TAAR1: variants seen among roughly 807,000 people sequenced by gnomAD.
The protein encoded by TAAR1 is trace amine-associated receptor 1.
Under a neutral mutation model 1.2 loss-of-function variants are expected in TAAR1, and 1 was observed. The observed-to-expected ratio is 0.81, with a 90% CI of 0.29 to 3.86. TAAR1 has a LOEUF of 3.86. Among genes scored for constraint, TAAR1 ranks in the 30% most tolerant of loss-of-function variants. The pLI is 0.18. For missense variants in TAAR1, 445 were observed against 405.6 expected (o/e 1.10, Z -0.83); for synonymous variants, 153 against 132.2 (o/e 1.16, Z -1.08).
intron 1 of TAAR1, among the ~76,000 whole-genome samples, chr6:132,654,615 T>C (rs559429717): frequency 5.1e-4 from 78 of 152,312 alleles, no homozygotes; most frequent in African/African-American, 1.4e-3. Context: ...ATGGGAAATA[T>C]GACTTTACGA....
chr6:132,655,225 A>C (rs1475500059), intron 1 of TAAR1, among the ~76,000 whole-genome samples: 12 of 152,210 alleles, frequency 7.9e-5, no homozygotes, highest in African/African-American at 2.9e-4. Flanking sequence ...ATTTGAAACC[A>C]AAAGAAATGA....
chr6:132,655,396 T>TGA (rs1206288538), intron 1 of TAAR1, among the ~76,000 whole-genome samples: 3 of 149,526 alleles, frequency 2.0e-5, no homozygotes, highest in Admixed American at 1.3e-4. Flanking sequence ...TTTTTTTTTT[T>TGA]TGAAACAAGG....
intron 1 of TAAR1, among the ~76,000 whole-genome samples, chr6:132,657,926 A>T (rs1014945089): frequency 6.6e-6 from 1 of 152,060 alleles, no homozygotes; most frequent in Non-Finnish European, 1.5e-5. Flanking sequence ...ATTGAGTTTC[A>T]TTTTAAAAAA....
chr6:132,649,798 G>C (rs970217693), intron 1 of TAAR1, among the ~76,000 whole-genome samples: 5 of 151,960 alleles, frequency 3.3e-5, no homozygotes, highest in African/African-American at 1.2e-4. Flanking sequence ...TGACACGTGG[G>C]GATTATGAGA....
intron 1 of TAAR1, among the ~76,000 whole-genome samples, chr6:132,653,752 G>C (rs528608127): frequency 6.6e-6 from 1 of 152,238 alleles, no homozygotes; most frequent in Non-Finnish European, 1.5e-5. Context: ...GTTGTTTTAC[G>C]ATCTCTTATT....
intron 1 of TAAR1, among the ~76,000 whole-genome samples, chr6:132,658,827 C>T (rs1334539100): frequency 6.6e-6 from 1 of 152,086 alleles, no homozygotes; most frequent in African/African-American, 2.4e-5. Flanking sequence ...AATGTCCTAG[C>T]TTTCCATAAA....
At position 132,645,208 on chromosome 6, in the gene TAAR1, G is replaced by A. The variant is rs778737689; in HGVS notation, c.796C>T (p.Pro266Ser). 1 of 1,613,378 alleles carries A rather than the reference G, an allele frequency of 6.2e-7. No individual in the cohort carries two copies. Among genetic ancestry groups the A allele is most frequent in the South Asian group, 1.1e-5 (1 of 91,022 alleles). ...VMGVFLICWC[P>S]FFICTVMDPF... The stretch of plus-strand genomic sequence containing the variant: ...TCCATGACTGTACAGATAAAGAAAG[G>A]GCACCAGCATATTAGGAAAACTCCC... The change falls in exon 2 of 2, where the codon CCT becomes TCT. Residue 266 changes from proline to serine, a missense_variant. By Grantham distance (74) the Pro-to-Ser change is moderately conservative. Coordinates refer to ENST00000275216, the MANE Select transcript of TAAR1 (RefSeq NM_138327.4).
chr6:132,651,159 G>A (rs148268227), intron 1 of TAAR1, among the ~76,000 whole-genome samples: 244 of 152,168 alleles, frequency 1.6e-3, no homozygotes, highest in African/African-American at 5.7e-3. Flanking sequence ...TCACCACCCC[G>A]CTGTGGTTCT....
chr6:132,645,463 C>T lies in TAAR1; in HGVS notation c.541G>A (p.Gly181Ser), dbSNP rs1310120673. Reference protein sequence around the residue: ...IYYKHVHCRGGCSVFFSKISG... With the variant: ...IYYKHVHCRGSCSVFFSKISG... ...ATTTTGCTAAAGAAGACAGAGCAAC[C>T]TCCTCTGCAGTGAACATGTTTGTAA... Residue 181 changes from glycine (G) to serine (S), a missense_variant, in exon 2 of 2, where the codon GGT becomes AGT. Transcript: ENST00000275216. The T allele has an allele frequency of 1.2e-6, 2 of 1,613,580 alleles. No individual in the cohort carries two copies. The highest frequency in any genetic ancestry group is 2.2e-5 in the South Asian group (2 of 91,076).
At position 132,645,188 on chromosome 6, in the gene TAAR1, G is replaced by T; in HGVS notation, c.816C>A (p.Val272=). The T allele has an allele frequency of 6.2e-7, 1 of 1,613,366 alleles. No homozygotes were observed. The highest frequency in any genetic ancestry group is 1.1e-5 in the South Asian group (1 of 91,014). The change falls in exon 2 of 2, where the codon GTC becomes GTA. Residue 272 remains valine, a synonymous_variant. Transcript: ENST00000275216. The stretch of plus-strand genomic sequence containing the variant: ...TAATGTAGTGAAGAAAAGGGTCCAT[G>T]ACTGTACAGATAAAGAAAGGGCACC... The part of the protein sequence containing the change: ...ICWCPFFICT[V]MDPFLHYIIP...
At chr6:132,656,429 G>A (rs1777804850) in intron 1 of TAAR1, among the ~76,000 whole-genome samples, 1 of 151,906 alleles carries the variant, frequency 6.6e-6, no homozygotes, top group Admixed American at 6.6e-5. Flanking sequence ...ATAGGGGGAG[G>A]GAGAGACAAT....
At chr6:132,646,593 C>T (rs980691165) in intron 1 of TAAR1, among the ~76,000 whole-genome samples, 31 of 152,044 alleles carry the variant, frequency 2.0e-4, no homozygotes, top group African/African-American at 5.6e-4. Flanking sequence ...CTTGGTCATA[C>T]GTAAATTATA....
intron 1 of TAAR1, among the ~76,000 whole-genome samples, chr6:132,652,483 T>A (rs1777759699): frequency 6.6e-6 from 1 of 150,796 alleles, no homozygotes; most frequent in South Asian, 2.1e-4. Flanking sequence ...ATTTTTGTAC[T>A]TTTAGTAGAG....
Position 132,645,219 on chromosome 6 carries a change from A to T in TAAR1, c.785T>A (p.Ile262Lys). 1 of 1,613,626 alleles carries T rather than the reference A, an allele frequency of 6.2e-7. No individual in the cohort carries two copies. Among genetic ancestry groups the T allele is most frequent in the Non-Finnish European group, 8.5e-7 (1 of 1,179,742 alleles). The change falls in exon 2 of 2, where the codon ATA becomes AAA. Residue 262 changes from isoleucine to lysine, a missense_variant. Ile to Lys is a moderately radical substitution (Grantham distance 102, BLOSUM62 -3). Coordinates refer to ENST00000275216, the MANE Select transcript of TAAR1 (RefSeq NM_138327.4). The stretch of plus-strand genomic sequence containing the variant: ...ACAGATAAAGAAAGGGCACCAGCAT[A>T]TTAGGAAAACTCCCATCACAATCCC... ...TLGIVMGVFL[I>K]CWCPFFICTV...
At chr6:132,647,422 T>C (rs1397876374) in intron 1 of TAAR1, among the ~76,000 whole-genome samples, 2 of 134,376 alleles carry the variant, frequency 1.5e-5, no homozygotes, top group African/African-American at 5.7e-5. Flanking sequence ...GACATGTACA[T>C]ATATATAAAG....
chr6:132,652,632 C>T (rs1223045223), intron 1 of TAAR1, among the ~76,000 whole-genome samples: 1 of 145,274 alleles, frequency 6.9e-6, no homozygotes, highest in Non-Finnish European at 1.5e-5. Context: ...GGAAGTCATC[C>T]TTACTGAACC....
chr6:132,644,907 T>A lies in TAAR1; in HGVS notation c.*77A>T. On this transcript the variant is annotated 3_prime_UTR_variant, in exon 2 of 2. Coordinates refer to ENST00000275216, the MANE Select transcript of TAAR1 (RefSeq NM_138327.4). Reference sequence around the variant, plus strand: ...TGATTTAAAAAAAAATCCATGTGGTTGGTGCATGTGGTTCGTTATGTTGTG... The same window carrying A: ...TGATTTAAAAAAAAATCCATGTGGTAGGTGCATGTGGTTCGTTATGTTGTG... 8.4e-7 allele frequency: 1 copy of A among 1,197,056 alleles called. No homozygotes were observed. The highest frequency in any genetic ancestry group is 1.1e-6 in the Non-Finnish European group (1 of 879,588). The allele number at this position is 1,197,056 out of a possible 1,614,324, so 74.2% of individuals were successfully genotyped here. A position where few individuals can be genotyped will look rare whatever the true frequency, so the allele number is the denominator to read the frequency against.
chr6:132,647,622 AGGAAAGAAAG>A lies in TAAR1; in HGVS notation c.-126-1503_-126-1494del, dbSNP rs1390089279. Among the ~76,000 whole-genome samples, 294 of 98,710 alleles carry A rather than the reference AGGAAAGAAAG, an allele frequency of 3.0e-3. 7 individuals are homozygous for A. The highest frequency in any genetic ancestry group is 8.9e-3 in the African/African-American group (279 of 31,326). The allele number at this position is 98,710 out of a possible 152,430, so 64.8% of individuals were successfully genotyped here. ...AGAAAGAAAAAAGAAAGAAAGAAAA[AGGAAAGAAAG>A]AAAGAAAGAAAGAAAGAAAGAAAGA... On this transcript the variant is annotated intron_variant, in intron 1 of 1. Coordinates refer to ENST00000275216, the MANE Select transcript of TAAR1 (RefSeq NM_138327.4).
In TAAR1 at chr6:132,644,943, T is replaced by A. The variant is rs374136775; in HGVS notation, c.*41A>T. 1.4e-6 allele frequency: 2 copies of A among 1,455,232 alleles called. No individual in the cohort carries two copies. Among genetic ancestry groups the A allele is most frequent in the Admixed American group, 5.4e-5 (2 of 36,722 alleles). The allele number at this position is 1,455,232 out of a possible 1,614,324, so 90.1% of individuals were successfully genotyped here. A position where few individuals can be genotyped will look rare whatever the true frequency, so the allele number is the denominator to read the frequency against. On this transcript the variant is annotated 3_prime_UTR_variant, in exon 2 of 2. Coordinates refer to ENST00000275216, the MANE Select transcript of TAAR1 (RefSeq NM_138327.4). Reference sequence around the variant, plus strand: ...GTTCGTTATGTTGTGTTCATAAATATGATCATCAACCGATTTGCAAAACAG... The same window carrying A: ...GTTCGTTATGTTGTGTTCATAAATAAGATCATCAACCGATTTGCAAAACAG...
Sources: allele counts gnomAD v4.1 joint callset (sites outside exome capture counted in the v4.1 genomes callset), GRCh38; gene constraint gnomAD v4.1.1; transcripts MANE v1.5; gene names NCBI Gene and HGNC (gene_info 2026-07-23, HGNC 2026-07-21).